TVP23C: variants seen among roughly 807,000 people sequenced by gnomAD.
TVP23C encodes the protein Golgi apparatus membrane protein TVP23 homolog C.
TVP23C carries 19 observed loss-of-function variants against 28.7 expected under a neutral mutation model. The observed-to-expected ratio is 0.66, with a 90% CI of 0.46 to 0.97. TVP23C has a LOEUF of 0.97. TVP23C is among the 50% of genes least tolerant of loss of function. TVP23C has a pLI of 0.00. For synonymous variants in TVP23C, 68 were observed against 81.7 expected (o/e 0.83, Z 0.90); for missense variants, 186 against 241.3 (o/e 0.77, Z 1.52).
At chr17:15,502,983 G>T (rs765084983) in exon 6 of TVP23C, 30 of 1,614,162 alleles carry the variant, frequency 1.9e-5, no homozygotes, top group Non-Finnish European at 2.5e-5. Context: ...AGGCGGGCGG[G>T]CGCCATCTGT....
At chr17:15,509,957 T>C (rs1981930199) in intron 5 of TVP23C, among the ~76,000 whole-genome samples, 1 of 152,166 alleles carries the variant, frequency 6.6e-6, no homozygotes, top group Admixed American at 6.5e-5. Flanking sequence ...AATGAATCAT[T>C]GTTTCAAGTA....
intron 1 of TVP23C, chr17:15,563,155 G>C (rs1984477669): frequency 1.4e-5 from 7 of 499,366 alleles, no homozygotes; most frequent in African/African-American, 6.0e-5. Context: ...CCGGCAATAA[G>C]GGTTGAGGAA....
At chr17:15,525,255 T>C (rs535315086) in intron 5 of TVP23C, among the ~76,000 whole-genome samples, 17 of 152,320 alleles carry the variant, frequency 1.1e-4, no homozygotes, top group African/African-American at 3.8e-4. Flanking sequence ...GCACTGACAA[T>C]GGGAAGGCGA....
intron 5 of TVP23C, among the ~76,000 whole-genome samples, chr17:15,506,421 G>C (rs1359796669): frequency 6.6e-6 from 1 of 152,156 alleles, no homozygotes; most frequent in Non-Finnish European, 1.5e-5. Context: ...GAACCTTTAT[G>C]TCTAGCTCAG....
intron 5 of TVP23C, among the ~76,000 whole-genome samples, chr17:15,514,277 A>T (rs779391371): frequency 2.4e-4 from 36 of 149,282 alleles, no homozygotes; most frequent in Non-Finnish European, 4.7e-4. Context: ...ATCAAACGAC[A>T]AGTAAGTAGG....
intron 5 of TVP23C, among the ~76,000 whole-genome samples, chr17:15,520,495 A>G (rs956342977): frequency 5.8e-5 from 8 of 138,624 alleles, no homozygotes; most frequent in Non-Finnish European, 1.1e-4. Flanking sequence ...AGCCAAGGCA[A>G]TTATAGGGTT....
chr17:15,508,055 CTT>C (rs1981843094), intron 5 of TVP23C, among the ~76,000 whole-genome samples: 1 of 152,198 alleles, frequency 6.6e-6, no homozygotes, highest in Non-Finnish European at 1.5e-5. Context: ...AGAATCATCT[CTT>C]GACATAGGCA....
chr17:15,519,978 T>C (rs1982404576), intron 5 of TVP23C, among the ~76,000 whole-genome samples: 1 of 152,116 alleles, frequency 6.6e-6, no homozygotes. Flanking sequence ...AACCAAACTA[T>C]GAAAAACTTT....
intron 5 of TVP23C, among the ~76,000 whole-genome samples, chr17:15,517,011 C>G (rs1417309547): frequency 6.6e-6 from 1 of 152,186 alleles, no homozygotes; most frequent in Non-Finnish European, 1.5e-5. Flanking sequence ...GGTGAGCAAG[C>G]CCCCCATCAG....
chr17:15,520,974 A>C (rs867938633), intron 5 of TVP23C, among the ~76,000 whole-genome samples: 1 of 151,618 alleles, frequency 6.6e-6, no homozygotes, highest in Non-Finnish European at 1.5e-5. Flanking sequence ...TGATAGCAAC[A>C]GAAAATGTAA....
chr17:15,550,599 T>C (rs1251949276), intron 3 of TVP23C, among the ~76,000 whole-genome samples: 2 of 152,216 alleles, frequency 1.3e-5, no homozygotes, highest in Non-Finnish European at 2.9e-5. Flanking sequence ...CTCATCATAA[T>C]GCTTTTCTAT....
chr17:15,521,319 T>C (rs1470233088), intron 5 of TVP23C, among the ~76,000 whole-genome samples: 3 of 152,072 alleles, frequency 2.0e-5, no homozygotes, highest in Admixed American at 1.3e-4. Context: ...CCTGCTAACA[T>C]GGCAAAACCC....
chr17:15,518,167 CAAAAAAAAAA>C (rs895582466), intron 5 of TVP23C, among the ~76,000 whole-genome samples: 1 of 54,300 alleles, frequency 1.8e-5, no homozygotes, highest in Non-Finnish European at 3.9e-5. Flanking sequence ...GACTCCATCT[CAAAAAAAAAA>C]AAAAAAAAAA....
At chr17:15,551,634 G>A (rs1253462690) in intron 3 of TVP23C, among the ~76,000 whole-genome samples, 1 of 151,594 alleles carries the variant, frequency 6.6e-6, no homozygotes, top group Non-Finnish European at 1.5e-5. Context: ...TGCGGCCCAA[G>A]AGAAATTCGT....
chr17:15,511,691 G>T (rs1297720079), intron 5 of TVP23C, among the ~76,000 whole-genome samples: 1 of 152,062 alleles, frequency 6.6e-6, no homozygotes, highest in East Asian at 1.9e-4. Context: ...CAAGTTTATG[G>T]AATGGGCTTC....
At chr17:15,560,060 ATTTT>A (rs1318223189) in intron 1 of TVP23C, among the ~76,000 whole-genome samples, 1 of 147,978 alleles carries the variant, frequency 6.8e-6, no homozygotes, top group Non-Finnish European at 1.5e-5. Flanking sequence ...AGACCACTGT[ATTTT>A]TTTTTCTTTT....
intron 3 of TVP23C, among the ~76,000 whole-genome samples, chr17:15,547,349 GT>G (rs1447386674): frequency 6.6e-6 from 1 of 152,096 alleles, no homozygotes; most frequent in Non-Finnish European, 1.5e-5. Flanking sequence ...AGGGGTAGAG[GT>G]GACAGAGCAA....
intron 5 of TVP23C, among the ~76,000 whole-genome samples, chr17:15,509,323 G>C (rs893454531): frequency 7.2e-5 from 11 of 152,222 alleles, no homozygotes; most frequent in Non-Finnish European, 1.3e-4. Context: ...TGGACCAAGG[G>C]GAGGTGGTAG....
At chr17:15,523,722 T>C (rs866556161) in intron 5 of TVP23C, among the ~76,000 whole-genome samples, 9 of 151,528 alleles carry the variant, frequency 5.9e-5, no homozygotes, top group Admixed American at 2.6e-4. Context: ...CACGCCATTC[T>C]CCTGCCTCAG....
Sources: gnomAD v4.1 joint callset for allele counts (sites outside exome capture counted in the v4.1 genomes callset) on GRCh38, gnomAD v4.1.1 for gene constraint, MANE v1.5 for transcripts, NCBI Gene and HGNC (gene_info 2026-07-23, HGNC 2026-07-21) for gene names.